TRDN: variants seen among roughly 807,000 people sequenced by gnomAD.
TRDN encodes triadin.
TRDN carries 161 observed loss-of-function variants against 149.7 expected under a neutral mutation model. The ratio of observed to expected loss-of-function variants is 1.08; its 90% CI spans 0.95 to 1.23. TRDN has a LOEUF of 1.23. TRDN is among the 50% of genes most tolerant of loss of function. The pLI, the probability that TRDN is intolerant of heterozygous loss-of-function variation, is 0.00. For synonymous variants in TRDN, 294 were observed against 250.5 expected, an observed-to-expected ratio of 1.17 and a Z score of -1.64; for missense variants, 896 against 823.5, an observed-to-expected ratio of 1.09 and a Z score of -1.08.
chr6:123,265,083 A>T (rs1365062574), intron 33 of TRDN, among the ~76,000 whole-genome samples: 1 of 151,884 alleles, frequency 6.6e-6, no homozygotes, highest in African/African-American at 2.4e-5. Flanking sequence ...TCATGTGCTT[A>T]TTGGTCTAGG....
chr6:123,442,503 G>T (rs1184097358), intron 10 of TRDN, among the ~76,000 whole-genome samples: 1 of 100,844 alleles, frequency 9.9e-6, no homozygotes, highest in Non-Finnish European at 1.8e-5. Context: ...CCGAGATTGC[G>T]CCACTGCACT....
At chr6:123,282,481 TATTA>T (rs1365641025) in intron 24 of TRDN, among the ~76,000 whole-genome samples, 2 of 151,946 alleles carry the variant, frequency 1.3e-5, no homozygotes, top group Non-Finnish European at 2.9e-5. Context: ...CAAATTACTA[TATTA>T]ATTCATTCAT....
chr6:123,635,248 C>A (rs982967292), intron 1 of TRDN, among the ~76,000 whole-genome samples: 1 of 151,284 alleles, frequency 6.6e-6, no homozygotes, highest in Non-Finnish European at 1.5e-5. Flanking sequence ...AGGAAAAATG[C>A]TATTTATATT....
intron 38 of TRDN, among the ~76,000 whole-genome samples, 177 bp from the exon 39 acceptor site, chr6:123,224,308 A>C (rs1232294044): frequency 6.6e-6 from 1 of 151,708 alleles, no homozygotes; most frequent in African/African-American, 2.4e-5. Context: ...TGACTTGGAG[A>C]GAGGATGTGG....
intron 2 of TRDN, among the ~76,000 whole-genome samples, chr6:123,556,435 G>C (rs1249071956): frequency 6.6e-6 from 1 of 152,158 alleles, no homozygotes; most frequent in Non-Finnish European, 1.5e-5. Flanking sequence ...CTCAAAGCAT[G>C]ATGACATTAA....
In TRDN at chr6:123,266,707, A is replaced by ATT. The variant is rs1777012579; in HGVS notation, c.1783+999_1783+1000insAA. Among the ~76,000 whole-genome samples the ATT allele has an allele frequency of 2.1e-5, 2 of 97,540 alleles. 1 individual carries two copies. Among genetic ancestry groups the ATT allele is most frequent in the Admixed American group, 3.4e-4 (2 of 5,824 alleles). The allele number at this position is 97,540 out of a possible 152,430, so 64.0% of individuals were successfully genotyped here. On this transcript the variant is annotated intron_variant, in intron 32 of 40. Coordinates refer to ENST00000334268, the MANE Select transcript of TRDN (RefSeq NM_006073.4). ...TATGTAATATATTATAATATGTATT[A>ATT]TATATAATATATATGATATATTATA... is the stretch of plus-strand genomic sequence containing the variant.
Position 123,398,458 on chromosome 6 carries a change from T to C in TRDN, c.1052-4781A>G, listed in dbSNP as rs1412309108. Among the ~76,000 whole-genome samples, 6 of 152,368 alleles carry C rather than the reference T, an allele frequency of 3.9e-5. No homozygotes were observed. In the East Asian group the frequency reaches 1.2e-3, roughly 29 times the overall value. On this transcript the variant is annotated intron_variant, in intron 12 of 40. Transcript: ENST00000334268. Reference sequence around the variant, plus strand: ...GACCCCTCAAAATATATACATCCTTTATTTTTTGCATAAGATAGTGGAAAC... The same window carrying C: ...GACCCCTCAAAATATATACATCCTTCATTTTTTGCATAAGATAGTGGAAAC...
chr6:123,615,532 GTA>G (rs1237634044), intron 1 of TRDN, among the ~76,000 whole-genome samples: 6 of 143,468 alleles, frequency 4.2e-5, no homozygotes, highest in South Asian at 4.2e-4. Flanking sequence ...TGAAAAACAT[GTA>G]TATACACACA....
At chr6:123,403,726 G>A (rs796477410) in intron 12 of TRDN, among the ~76,000 whole-genome samples, 11 of 152,186 alleles carry the variant, frequency 7.2e-5, no homozygotes, top group African/African-American at 2.4e-4. Flanking sequence ...ACCTTGCAGA[G>A]CACAAGGAAG....
intron 22 of TRDN, among the ~76,000 whole-genome samples, chr6:123,333,430 T>C (rs1779737008): frequency 6.6e-6 from 1 of 152,044 alleles, no homozygotes; most frequent in African/African-American, 2.4e-5. Flanking sequence ...CATTCAAAGA[T>C]TGTAAACCCA....
chr6:123,282,670 T>C (rs1268029677), intron 24 of TRDN, among the ~76,000 whole-genome samples: 2 of 151,812 alleles, frequency 1.3e-5, no homozygotes, highest in African/African-American at 4.8e-5. Flanking sequence ...AAACTGAACT[T>C]TCATGAATTT....
chr6:123,340,195 G>T (rs1193784861), intron 21 of TRDN, among the ~76,000 whole-genome samples: 1 of 152,040 alleles, frequency 6.6e-6, no homozygotes, highest in Non-Finnish European at 1.5e-5. Context: ...CAAGACAAAA[G>T]ACTGAAATAG....
chr6:123,419,168 T>A (rs1323961980), intron 12 of TRDN, among the ~76,000 whole-genome samples: 1 of 151,882 alleles, frequency 6.6e-6, no homozygotes, highest in Non-Finnish European at 1.5e-5. Context: ...AGGTGGTGGA[T>A]CCCCGCACTG....
chr6:123,446,985 G>T (rs925787211), intron 10 of TRDN, among the ~76,000 whole-genome samples: 4 of 152,056 alleles, frequency 2.6e-5, no homozygotes, highest in Admixed American at 6.5e-5. Context: ...ATAGCAACAT[G>T]GTAAGAGTAC....
chr6:123,233,033 A>C (rs1247972695), intron 38 of TRDN, among the ~76,000 whole-genome samples: 1 of 152,088 alleles, frequency 6.6e-6, no homozygotes, highest in Non-Finnish European at 1.5e-5. Flanking sequence ...GCTTAGCATG[A>C]ATATTTGTAT....
intron 38 of TRDN, among the ~76,000 whole-genome samples, chr6:123,239,407 G>A (rs1775906346): frequency 6.6e-6 from 1 of 152,068 alleles, no homozygotes. Context: ...AATTAAGCTT[G>A]ATTTAACGGC....
chr6:123,256,234 C>T (rs772016972), intron 35 of TRDN, among the ~76,000 whole-genome samples: 2 of 152,088 alleles, frequency 1.3e-5, no homozygotes, highest in Non-Finnish European at 2.9e-5. Flanking sequence ...CGATGGTTTC[C>T]GGCTTCATCC....
intron 1 of TRDN, among the ~76,000 whole-genome samples, chr6:123,586,257 G>C (rs904867581): frequency 3.3e-5 from 5 of 152,156 alleles, no homozygotes; most frequent in Admixed American, 2.6e-4. Context: ...AAGCCGGACC[G>C]GGTGTGAGGA....
intron 38 of TRDN, among the ~76,000 whole-genome samples, chr6:123,246,089 T>G (rs562002642): frequency 6.6e-6 from 1 of 152,192 alleles, no homozygotes; most frequent in South Asian, 2.1e-4. Context: ...GATAAAGCAG[T>G]GTTTAGAGGG....
Sources: allele counts gnomAD v4.1 joint callset (sites outside exome capture counted in the v4.1 genomes callset), GRCh38; gene constraint gnomAD v4.1.1; transcripts MANE v1.5; gene names NCBI Gene and HGNC (gene_info 2026-07-23, HGNC 2026-07-21).